SCFD2: variants seen among roughly 807,000 people sequenced by gnomAD.
The protein encoded by SCFD2 is sec1 family domain containing 2.
A neutral mutation model predicts 58.9 loss-of-function variants in SCFD2; 54 were observed. That is an observed-to-expected ratio of 0.92 (90% CI 0.74 to 1.15). SCFD2 has a LOEUF of 1.15. Among genes scored for constraint, SCFD2 ranks in the 50% most tolerant of loss-of-function variants. The pLI, the probability that SCFD2 is intolerant of heterozygous loss-of-function variation, is 0.00. For missense variants in SCFD2, 805 were observed against 836.6 expected (o/e 0.96, Z 0.47); for synonymous variants, 321 against 335.9 (o/e 0.96, Z 0.49).
chr4:53,133,057 G>A (rs982867234), intron 5 of SCFD2, among the ~76,000 whole-genome samples: 8 of 151,990 alleles, frequency 5.3e-5, no homozygotes, highest in African/African-American at 9.7e-5. Context: ...GGCCGGGTGC[G>A]GTGGCTCATG....
intron 3 of SCFD2, among the ~76,000 whole-genome samples, chr4:53,311,108 T>C (rs1393131073): frequency 6.6e-6 from 1 of 152,232 alleles, no homozygotes; most frequent in Non-Finnish European, 1.5e-5. Flanking sequence ...TTCATAGTTA[T>C]GAATCTGTTT....
At position 53,307,747 on chromosome 4, in the gene SCFD2, T is replaced by C. The variant is rs146128227; in HGVS notation, c.1135+5889A>G. On this transcript the variant is annotated intron_variant, in intron 3 of 8. Transcript: ENST00000401642. ...ATGGAGCACTACTTGGCTGGGGTGG[T>C]ACCTCTGAGGAGAGGGTGCCCTGAA... Among the ~76,000 whole-genome samples the C allele has an allele frequency of 2.8e-4, 43 of 152,268 alleles. No homozygotes were observed. The East Asian group carries it at 7.9e-3, about 28-fold the overall frequency.
At chr4:53,250,984 T>A (rs1169849143) in intron 4 of SCFD2, among the ~76,000 whole-genome samples, 1 of 150,712 alleles carries the variant, frequency 6.6e-6, no homozygotes, top group Admixed American at 6.6e-5. Context: ...TCAACAAACT[T>A]GATAGACTAA....
At chr4:53,300,195 A>G (rs1424209613) in intron 3 of SCFD2, among the ~76,000 whole-genome samples, 1 of 152,194 alleles carries the variant, frequency 6.6e-6, no homozygotes, top group East Asian at 1.9e-4. Flanking sequence ...TGCTGTATTC[A>G]GGAAACCCAT....
chr4:53,011,121 T>C (rs572257732), intron 5 of SCFD2, among the ~76,000 whole-genome samples: 16 of 152,348 alleles, frequency 1.1e-4, no homozygotes, highest in African/African-American at 3.1e-4. Flanking sequence ...CAGAATATTA[T>C]GTTTGCCAAC....
At chr4:53,150,399 C>T (rs1380946650) in intron 4 of SCFD2, among the ~76,000 whole-genome samples, 1 of 152,168 alleles carries the variant, frequency 6.6e-6, no homozygotes, top group Non-Finnish European at 1.5e-5. Context: ...CCCTGTGCCA[C>T]TTTGGCTTGG....
chr4:53,212,853 GTT>G (rs1006643720), intron 4 of SCFD2, among the ~76,000 whole-genome samples: 2 of 145,796 alleles, frequency 1.4e-5, no homozygotes, highest in Non-Finnish European at 1.5e-5. Flanking sequence ...TGATTACACG[GTT>G]TTTTTTTTTA....
chr4:53,329,944 G>A (rs1349282068), intron 2 of SCFD2, among the ~76,000 whole-genome samples: 580 of 134,430 alleles, frequency 4.3e-3, no homozygotes, highest in South Asian at 7.5e-3. Flanking sequence ...ACTACATGAA[G>A]AATGCAGAAG....
chr4:53,013,576 A>G (rs1722145650), intron 5 of SCFD2, among the ~76,000 whole-genome samples: 1 of 152,210 alleles, frequency 6.6e-6, no homozygotes, highest in South Asian at 2.1e-4. Flanking sequence ...GATAGTCTCT[A>G]CAATTTCTGT....
intron 4 of SCFD2, among the ~76,000 whole-genome samples, chr4:53,183,540 A>G (rs1727648996): frequency 6.6e-6 from 1 of 152,162 alleles, no homozygotes; most frequent in East Asian, 1.9e-4. Flanking sequence ...ATTAGGAGAT[A>G]TACCTAATAC....
chr4:53,129,604 AC>A (rs1365098455), intron 5 of SCFD2, among the ~76,000 whole-genome samples: 1 of 152,154 alleles, frequency 6.6e-6, no homozygotes, highest in Non-Finnish European at 1.5e-5. Flanking sequence ...AAATGGTTGT[AC>A]CTAAATGTTT....
intron 5 of SCFD2, among the ~76,000 whole-genome samples, chr4:52,951,180 C>T (rs1241410787): frequency 6.6e-6 from 1 of 152,168 alleles, no homozygotes; most frequent in Non-Finnish European, 1.5e-5. Flanking sequence ...AATTCTCTCC[C>T]TCCCTTCCTT....
intron 4 of SCFD2, among the ~76,000 whole-genome samples, chr4:53,224,155 C>T (rs568052941): frequency 6.6e-6 from 1 of 152,188 alleles, no homozygotes; most frequent in South Asian, 2.1e-4. Flanking sequence ...CTTTGGGAGG[C>T]CGAGGCGGGT....
chr4:52,973,037 T>C (rs1006504920), intron 5 of SCFD2, among the ~76,000 whole-genome samples: 1 of 152,200 alleles, frequency 6.6e-6, no homozygotes, highest in Non-Finnish European at 1.5e-5. Context: ...GGGAAATTTA[T>C]AGCACTAAAT....
intron 5 of SCFD2, among the ~76,000 whole-genome samples, chr4:52,990,581 C>A (rs1721593796): frequency 6.6e-6 from 1 of 152,134 alleles, no homozygotes; most frequent in Non-Finnish European, 1.5e-5. Flanking sequence ...GTTTAAGCAA[C>A]TTTCCCAAGT....
intron 5 of SCFD2, among the ~76,000 whole-genome samples, chr4:53,004,003 G>T (rs1294476218): frequency 6.6e-6 from 1 of 152,226 alleles, no homozygotes; most frequent in Non-Finnish European, 1.5e-5. Context: ...ATAAATGTCT[G>T]AAATAGTCCT....
At chr4:53,129,896 A>C (rs1725738391) in intron 5 of SCFD2, among the ~76,000 whole-genome samples, 1 of 152,184 alleles carries the variant, frequency 6.6e-6, no homozygotes, top group Admixed American at 6.5e-5. Context: ...TCACCTGGAA[A>C]GCATATATGG....
At chr4:53,189,763 A>G (rs1329810682) in intron 4 of SCFD2, among the ~76,000 whole-genome samples, 2 of 152,112 alleles carry the variant, frequency 1.3e-5, no homozygotes, top group Non-Finnish European at 2.9e-5. Flanking sequence ...ACACACACAA[A>G]ATAGACTGGA....
intron 5 of SCFD2, among the ~76,000 whole-genome samples, chr4:53,139,571 C>A (rs1270445541): frequency 6.6e-6 from 1 of 150,666 alleles, no homozygotes; most frequent in East Asian, 2.0e-4. Flanking sequence ...GCCCGGCAGC[C>A]GCCCCGTCCG....
Sources: allele counts gnomAD v4.1 joint callset (sites outside exome capture counted in the v4.1 genomes callset), GRCh38; gene constraint gnomAD v4.1.1; transcripts MANE v1.5; gene names NCBI Gene and HGNC (gene_info 2026-07-23, HGNC 2026-07-21).